CENPP: variants seen among roughly 807,000 people sequenced by gnomAD.
CENPP encodes the protein centromere protein P.
Under a neutral mutation model 35.6 loss-of-function variants are expected in CENPP, and 24 were observed. That is an observed-to-expected ratio of 0.67 (90% CI 0.49 to 0.95). The LOEUF is 0.95. CENPP is among the 40% of genes least tolerant of loss of function. The pLI, the probability that CENPP is intolerant of heterozygous loss-of-function variation, is 0.00. For synonymous variants in CENPP, 120 were observed against 125.5 expected, an observed-to-expected ratio of 0.96 and a Z score of 0.29; for missense variants, 332 against 345.3, an observed-to-expected ratio of 0.96 and a Z score of 0.31.
chr9:92,423,778 A>G (rs1029720212), intron 5 of CENPP, among the ~76,000 whole-genome samples: 5 of 152,120 alleles, frequency 3.3e-5, no homozygotes, highest in African/African-American at 1.2e-4. Context: ...CTTGAGTGAA[A>G]TTTGTACAAA....
rs1313921555 is a variant in CENPP at position 92,352,521 on chromosome 9, A to G, written c.467+6734A>G. On this transcript the variant is annotated intron_variant, in intron 4 of 7. Transcript: ENST00000375587. ...TGTGTGTGTGTATACATATATATAT[A>G]TATATATATATATATATAATATAAC... is the stretch of plus-strand genomic sequence containing the variant. 1.2e-4 allele frequency among the ~76,000 whole-genome samples: 14 copies of G among 112,928 alleles called. 1 individual carries two copies. Among genetic ancestry groups the G allele is most frequent in the Middle Eastern group, 4.3e-3 (1 of 230 alleles). The allele number at this position is 112,928 out of a possible 152,430, so 74.1% of individuals were successfully genotyped here.
intron 5 of CENPP, among the ~76,000 whole-genome samples, chr9:92,431,843 G>A (rs1434788338): frequency 6.6e-6 from 1 of 152,168 alleles, no homozygotes. Flanking sequence ...AAACTGCTGG[G>A]ATTGCAGGCG....
At chr9:92,386,360 A>G in intron 5 of CENPP, 1 of 988,886 alleles carries the variant, frequency 1.0e-6, no homozygotes, top group East Asian at 2.4e-5. Flanking sequence ...GGATTCAAGC[A>G]ATATATATGT....
At chr9:92,490,492 T>A (rs192881447) in intron 5 of CENPP, among the ~76,000 whole-genome samples, 1 of 152,368 alleles carries the variant, frequency 6.6e-6, no homozygotes, top group East Asian at 1.9e-4. Flanking sequence ...CATCTGTCAG[T>A]CTGTAAATGT....
rs1274961614 is a variant in CENPP, at chr9:92,616,167, T to C, written c.*3018T>C. On this transcript the variant is annotated 3_prime_UTR_variant, in exon 8 of 8. Transcript: ENST00000375587. ...ACTAGTATGTTTTTATGTTTTTTCTTTGACTTCTGCAAAGTTAGATAAATC... is the reference window on the plus strand; with the variant it reads ...ACTAGTATGTTTTTATGTTTTTTCTCTGACTTCTGCAAAGTTAGATAAATC... The C allele has an allele frequency of 5.4e-6, 4 of 742,058 alleles. No individual in the cohort carries two copies. The highest frequency in any genetic ancestry group is 8.8e-6 in the Non-Finnish European group (4 of 453,058). 46.0% of individuals were successfully genotyped at this position (742,058 alleles called of 1,614,324 possible). A position where few individuals can be genotyped will look rare whatever the true frequency, so the allele number is the denominator to read the frequency against.
At chr9:92,499,498 TGGA>T (rs2131146699) in intron 5 of CENPP, among the ~76,000 whole-genome samples, 1 of 152,324 alleles carries the variant, frequency 6.6e-6, no homozygotes, top group South Asian at 2.1e-4. Flanking sequence ...GGTTCAATGA[TGGA>T]GGAGTAAATT....
chr9:92,331,558 A>C (rs1307843194), intron 1 of CENPP, among the ~76,000 whole-genome samples: 1 of 152,270 alleles, frequency 6.6e-6, no homozygotes, highest in Non-Finnish European at 1.5e-5. Context: ...CATGGGTCAG[A>C]ACACACATTG....
intron 3 of CENPP, chr9:92,339,958 C>T (rs1841059241): frequency 6.5e-6 from 1 of 153,726 alleles, no homozygotes; most frequent in African/African-American, 2.4e-5. Flanking sequence ...ACTGAATGCT[C>T]TTCTGTATGC....
At chr9:92,439,839 T>A (rs1037587059) in intron 5 of CENPP, among the ~76,000 whole-genome samples, 3 of 152,208 alleles carry the variant, frequency 2.0e-5, no homozygotes, top group Non-Finnish European at 2.9e-5. Flanking sequence ...TTCAAAGTAG[T>A]GAAATGATTC....
At chr9:92,556,168 T>A (rs1207993589) in intron 5 of CENPP, among the ~76,000 whole-genome samples, 1 of 152,216 alleles carries the variant, frequency 6.6e-6, no homozygotes, top group Non-Finnish European at 1.5e-5. Context: ...AGGAGCAGGT[T>A]ATTTAATTTC....
In CENPP at chr9:92,326,195, C is replaced by T. The variant is rs540667109; in HGVS notation, c.107+90C>T. Reference sequence around the variant, plus strand: ...CTCCACAGACATCCTCGGTCTCCTACTCCCAGCCCTAGAAAGTGGGCATGA... The same window carrying T: ...CTCCACAGACATCCTCGGTCTCCTATTCCCAGCCCTAGAAAGTGGGCATGA... On this transcript the variant is annotated intron_variant, in intron 1 of 7. Transcript: ENST00000375587. The T allele has an allele frequency of 4.2e-4, 343 of 818,538 alleles. 2 individuals carry two copies. The highest frequency in any genetic ancestry group is 6.2e-4 in the Non-Finnish European group (325 of 522,178). 50.7% of individuals were successfully genotyped at this position (818,538 alleles called of 1,614,324 possible).
intron 4 of CENPP, among the ~76,000 whole-genome samples, chr9:92,362,070 G>T (rs1841768545): frequency 6.6e-6 from 1 of 152,026 alleles, no homozygotes; most frequent in Admixed American, 6.6e-5. Flanking sequence ...TTCAAGTATT[G>T]CATTTAGTTG....
At chr9:92,587,151 G>A (rs966879102) in intron 5 of CENPP, among the ~76,000 whole-genome samples, 2 of 152,142 alleles carry the variant, frequency 1.3e-5, no homozygotes, top group African/African-American at 4.8e-5. Flanking sequence ...AACAAAATGA[G>A]ATATCAATAA....
At chr9:92,608,994 G>C (rs939966936) in intron 5 of CENPP, among the ~76,000 whole-genome samples, 1 of 152,216 alleles carries the variant, frequency 6.6e-6, no homozygotes, top group African/African-American at 2.4e-5. Flanking sequence ...CCCAAGTGCT[G>C]CCGCTGAGCC....
intron 5 of CENPP, among the ~76,000 whole-genome samples, chr9:92,504,435 T>G (rs2131164814): frequency 6.6e-6 from 1 of 152,330 alleles, no homozygotes; most frequent in Middle Eastern, 3.4e-3. Flanking sequence ...GATGATCATG[T>G]GGTCTAGGAG....
At chr9:92,479,414 A>G (rs924705890) in intron 5 of CENPP, among the ~76,000 whole-genome samples, 1 of 152,208 alleles carries the variant, frequency 6.6e-6, no homozygotes, top group African/African-American at 2.4e-5. Flanking sequence ...GAAGCATTCC[A>G]GTTGCTGAGC....
At chr9:92,463,223 A>G (rs897893345) in intron 5 of CENPP, among the ~76,000 whole-genome samples, 2 of 152,198 alleles carry the variant, frequency 1.3e-5, no homozygotes, top group African/African-American at 4.8e-5. Context: ...TCCTGTCCAC[A>G]TGATAACTTG....
chr9:92,450,148 G>A (rs1210363333), intron 5 of CENPP, among the ~76,000 whole-genome samples: 2 of 151,678 alleles, frequency 1.3e-5, no homozygotes. Context: ...ACAATGTGCA[G>A]GTAAGTTACA....
intron 5 of CENPP, among the ~76,000 whole-genome samples, chr9:92,606,566 TTA>T (rs550615000): frequency 1.5e-3 from 229 of 152,308 alleles, no homozygotes; most frequent in Non-Finnish European, 2.9e-3. Flanking sequence ...TGTGCAAAAC[TTA>T]TACACAAATG....
Sources: gnomAD v4.1 joint callset for allele counts (sites outside exome capture counted in the v4.1 genomes callset) on GRCh38, gnomAD v4.1.1 for gene constraint, MANE v1.5 for transcripts, NCBI Gene and HGNC (gene_info 2026-07-23, HGNC 2026-07-21) for gene names.